Variants in ZNF521 observed in about 807,000 individuals in gnomAD.
ZNF521 encodes zinc finger protein 521.
In ZNF521, 14 loss-of-function variants were observed where a neutral mutation model predicts 105.5. The ratio of observed to expected loss-of-function variants is 0.13; its 90% CI spans 0.09 to 0.21. ZNF521 has a LOEUF of 0.21. Ranked by LOEUF, ZNF521 falls within the 10% of genes least tolerant of loss-of-function variation. The pLI is 1.00. For synonymous variants in ZNF521, 635 were observed against 606.0 expected (o/e 1.05, Z -0.70); for missense variants, 1,233 against 1,629.7 (o/e 0.76, Z 4.19).
At position 25,089,345 on chromosome 18, in the gene ZNF521, C is replaced by A. The variant is rs903666294; in HGVS notation, c.3906+120G>T. On this transcript the variant is annotated intron_variant, in intron 7 of 7. Coordinates refer to ENST00000361524, the MANE Select transcript of ZNF521 (RefSeq NM_015461.3). ...TCTAATTTTCCCTTTGCCCCCAATA[C>A]ACACAAAGCATCATGGTGGCCCAGG... is the stretch of plus-strand genomic sequence containing the variant. 4.6e-5 allele frequency: 34 copies of A among 743,426 alleles called. 1 individual carries two copies. The highest frequency in any genetic ancestry group is 2.5e-4 in the Admixed American group (9 of 36,186). 46.1% of individuals were successfully genotyped at this position (743,426 alleles called of 1,614,324 possible).
At chr18:25,246,828 A>AG (rs1907756210) in intron 3 of ZNF521, among the ~76,000 whole-genome samples, 1 of 152,158 alleles carries the variant, frequency 6.6e-6, no homozygotes, top group African/African-American at 2.4e-5. Context: ...TCTTGACCAT[A>AG]GTCTTTACTT....
chr18:25,144,387 G>T (rs2034905612), intron 5 of ZNF521, among the ~76,000 whole-genome samples: 1 of 152,104 alleles, frequency 6.6e-6, no homozygotes, highest in Non-Finnish European at 1.5e-5. Flanking sequence ...TTTTCTTTTT[G>T]ATAGGGAACT....
At chr18:25,132,815 A>AC (rs1670849345) in intron 5 of ZNF521, among the ~76,000 whole-genome samples, 1 of 152,280 alleles carries the variant, frequency 6.6e-6, no homozygotes, top group African/African-American at 2.4e-5. Context: ...ATAAAAGGGG[A>AC]GAAAAAGGAA....
chr18:25,292,430 T>A (rs1911083634), intron 3 of ZNF521, among the ~76,000 whole-genome samples: 1 of 152,168 alleles, frequency 6.6e-6, no homozygotes, highest in Non-Finnish European at 1.5e-5. Flanking sequence ...AAAAAGGGCA[T>A]TTCCAACAAA....
chr18:25,297,170 G>A (rs1282938774), intron 3 of ZNF521, among the ~76,000 whole-genome samples: 1 of 151,022 alleles, frequency 6.6e-6, no homozygotes, highest in Non-Finnish European at 1.5e-5. Context: ...ATTAAAATGG[G>A]CCATAAAACA....
At position 25,162,853 on chromosome 18, in the gene ZNF521, G is replaced by A. The variant is rs568630095; in HGVS notation, c.3658+32307C>T. ...ATTTTTAAGCTGTATCTTACAGGAGGCATTAGGTTAGATTTTTTTTTTGTC... is the reference window on the plus strand; with the variant it reads ...ATTTTTAAGCTGTATCTTACAGGAGACATTAGGTTAGATTTTTTTTTTGTC... On this transcript the variant is annotated intron_variant, in intron 5 of 7. Transcript: ENST00000361524. Among the ~76,000 whole-genome samples, 20 of 152,252 alleles carry A rather than the reference G, an allele frequency of 1.3e-4. No homozygotes were observed. In the South Asian group the frequency reaches 4.1e-3, roughly 32 times the overall value.
chr18:25,185,736 AAAAT>A (rs1600131982), intron 5 of ZNF521, among the ~76,000 whole-genome samples: 1 of 152,176 alleles, frequency 6.6e-6, no homozygotes, highest in Admixed American at 6.5e-5. Context: ...ACCTGTAAAA[AAAAT>A]AAATAAATAA....
intron 3 of ZNF521, among the ~76,000 whole-genome samples, chr18:25,256,232 GA>G (rs931506543): frequency 6.6e-6 from 1 of 151,810 alleles, no homozygotes; most frequent in African/African-American, 2.4e-5. Context: ...ACAAAACACA[GA>G]ATGGTATTTG....
intron 7 of ZNF521, among the ~76,000 whole-genome samples, chr18:25,085,653 ATGTGTGTGTG>A (rs10569576): frequency 1.9e-4 from 27 of 144,348 alleles, no homozygotes; most frequent in African/African-American, 6.8e-4. Context: ...CCATATATAT[ATGTGTGTGTG>A]TGTGTGTGTG....
chr18:25,327,639 C>A (rs766307291), intron 2 of ZNF521: 1 of 520,934 alleles, frequency 1.9e-6, no homozygotes, highest in African/African-American at 1.9e-5. Context: ...AACCAAAGGG[C>A]GGGATCATTA....
At chr18:25,067,970 GC>G (rs2033114296) in intron 7 of ZNF521, among the ~76,000 whole-genome samples, 1 of 152,140 alleles carries the variant, frequency 6.6e-6, no homozygotes, top group Admixed American at 6.5e-5. Flanking sequence ...TTTATTTATA[GC>G]CTTTTGTTTC....
At chr18:25,107,788 C>CCTTATA (rs1331751874) in intron 5 of ZNF521, among the ~76,000 whole-genome samples, 1 of 152,194 alleles carries the variant, frequency 6.6e-6, no homozygotes, top group Non-Finnish European at 1.5e-5. Flanking sequence ...TCTCGCCTCT[C>CCTTATA]CTTATACTTA....
chr18:25,327,283 G>A (rs1054010619), intron 2 of ZNF521: 10 of 229,000 alleles, frequency 4.4e-5, no homozygotes, highest in African/African-American at 2.1e-4. Context: ...TCAAAGTAAT[G>A]CATTCCACAC....
intron 4 of ZNF521, among the ~76,000 whole-genome samples, chr18:25,221,723 A>G (rs1301682512): frequency 1.3e-5 from 2 of 152,204 alleles, no homozygotes; most frequent in Non-Finnish European, 1.5e-5. Flanking sequence ...GACTTATATA[A>G]TAACATTTCA....
At chr18:25,074,111 C>T (rs1031252736) in intron 7 of ZNF521, among the ~76,000 whole-genome samples, 4 of 152,190 alleles carry the variant, frequency 2.6e-5, no homozygotes, top group South Asian at 4.1e-4. Flanking sequence ...TATGCCTGTG[C>T]GCATGTCCAT....
intron 5 of ZNF521, among the ~76,000 whole-genome samples, chr18:25,116,913 GTATATCTATGTATA>G (rs2034322543): frequency 7.8e-6 from 1 of 127,916 alleles, no homozygotes; most frequent in Non-Finnish European, 1.6e-5. Context: ...GTATATATAC[GTATATCTATGTATA>G]TATATACGTA....
intron 5 of ZNF521, among the ~76,000 whole-genome samples, chr18:25,146,099 T>C (rs1383861433): frequency 6.6e-6 from 1 of 152,152 alleles, no homozygotes; most frequent in Admixed American, 6.6e-5. Context: ...ATTTTATGGA[T>C]TAGGAGACTG....
At chr18:25,224,164 C>A in intron 4 of ZNF521, 181 bp downstream of exon 4, 1 of 632,420 alleles carries the variant, frequency 1.6e-6, no homozygotes, top group Non-Finnish European at 2.7e-6. Flanking sequence ...AGCCAAAATG[C>A]TGCTTATCAA....
chr18:25,110,172 T>C (rs996248838), intron 5 of ZNF521, among the ~76,000 whole-genome samples: 2 of 152,138 alleles, frequency 1.3e-5, no homozygotes, highest in African/African-American at 4.8e-5. Context: ...GGGTTTCCCA[T>C]CTACAGTCAG....
Sources: allele counts gnomAD v4.1 joint callset (sites outside exome capture counted in the v4.1 genomes callset), GRCh38; gene constraint gnomAD v4.1.1; transcripts MANE v1.5; gene names NCBI Gene and HGNC (gene_info 2026-07-23, HGNC 2026-07-21).